UTP20: variants seen among roughly 807,000 people sequenced by gnomAD.
The protein encoded by UTP20 is UTP20 small subunit processome component, also known as small subunit processome component 20 homolog.
In UTP20, 164 loss-of-function variants were observed where a neutral mutation model predicts 329.5. That is an observed-to-expected ratio of 0.50 (90% CI 0.44 to 0.57). UTP20 has a LOEUF of 0.57. Among genes scored for constraint, UTP20 ranks in the 20% least tolerant of loss-of-function variants. UTP20 has a pLI of 0.00. For synonymous variants in UTP20, 1,151 were observed against 1,159.3 expected (o/e 0.99, Z 0.14); for missense variants, 3,055 against 3,284.2 (o/e 0.93, Z 1.71).
intron 55 of UTP20, 29 bp downstream of exon 55, chr12:101,374,968 T>C: frequency 6.4e-7 from 1 of 1,564,370 alleles, no homozygotes; most frequent in Non-Finnish European, 8.8e-7. Flanking sequence ...AATAAAACTT[T>C]TCTAACTTAT....
intron 47 of UTP20, among the ~76,000 whole-genome samples, chr12:101,367,439 C>T (rs1328539026): frequency 6.6e-6 from 1 of 152,192 alleles, no homozygotes; most frequent in Admixed American, 6.5e-5. Flanking sequence ...TCACCATACT[C>T]TTTCCTGCCC....
chr12:101,292,361 A>T, intron 10 of UTP20, among the ~76,000 whole-genome samples: 1 of 152,240 alleles, frequency 6.6e-6, no homozygotes. Flanking sequence ...ATATGTAAGC[A>T]CATATTGCAG....
In UTP20 at chr12:101,286,461, A is replaced by G. The variant is rs745413991; in HGVS notation, c.467A>G (p.Tyr156Cys). 2 of 1,613,972 alleles carry G rather than the reference A, an allele frequency of 1.2e-6. No homozygotes were observed. The highest frequency in any genetic ancestry group is 2.2e-5 in the South Asian group (2 of 91,056). The change falls in exon 5 of 62, where the codon TAT becomes TGT. Residue 156 changes from tyrosine (Y) to cysteine (C), a missense_variant. Tyr to Cys is a radical substitution (Grantham distance 194). Transcript: ENST00000261637. The stretch of plus-strand genomic sequence containing the variant: ...GCTTTCACCTCGTTATCATATCTTT[A>G]TAAGTACCTGTGGAGACTGATGGTG... ...EWAFTSLSYL[Y>C]KYLWRLMVKD...
intron 19 of UTP20, among the ~76,000 whole-genome samples, chr12:101,311,289 T>A (rs4764791): frequency 0.15 from 22,103 of 152,178 alleles, 1,875 homozygotes; most frequent in Middle Eastern, 0.26. Flanking sequence ...TTTCATGTAG[T>A]TAGTGAATGT....
At position 101,351,526 on chromosome 12, in the gene UTP20, C is replaced by CTTTT. The variant is rs753646442; in HGVS notation, c.4885-511_4885-508dup. 9.8e-4 allele frequency among the ~76,000 whole-genome samples: 116 copies of CTTTT among 117,842 alleles called. 1 individual carries two copies. Among genetic ancestry groups the CTTTT allele is most frequent in the African/African-American group, 3.7e-3 (112 of 30,662 alleles). 77.3% of individuals were successfully genotyped at this position (117,842 alleles called of 152,430 possible). On this transcript the variant is annotated intron_variant, in intron 38 of 61. Transcript: ENST00000261637. Reference sequence around the variant, plus strand: ...AAAGAGGTGTCTCTGAGGCAGTGTACTTTTTTTTTTTTTTTTTTTTTGATA... The same window carrying CTTTT: ...AAAGAGGTGTCTCTGAGGCAGTGTACTTTTTTTTTTTTTTTTTTTTTTTTTGATA...
At chr12:101,291,449 A>G in intron 8 of UTP20, 1 of 183,142 alleles carries the variant, frequency 5.5e-6, no homozygotes, top group Non-Finnish European at 1.1e-5. Context: ...GTGAGGCAGG[A>G]GAATCGCTTG....
At chr12:101,371,313 G>A in intron 51 of UTP20, 145 bp downstream of exon 51, 2 of 595,884 alleles carry the variant, frequency 3.4e-6, no homozygotes, top group East Asian at 3.2e-5. Context: ...TGGTGCAGGT[G>A]GTCAGGGGAG....
At chr12:101,313,970 C>T (rs1305796343) in intron 21 of UTP20, among the ~76,000 whole-genome samples, 1 of 151,990 alleles carries the variant, frequency 6.6e-6, no homozygotes, top group East Asian at 1.9e-4. Context: ...GTTCAAAGCT[C>T]AAGGGAAAGG....
intron 8 of UTP20, 90 bp from the exon 9 acceptor site, chr12:101,291,652 G>C (rs1441025001): frequency 6.0e-6 from 8 of 1,341,792 alleles, no homozygotes; most frequent in Middle Eastern, 2.8e-4. Flanking sequence ...AAGAGAATGG[G>C]AAAAGTTGAA....
At chr12:101,358,313 C>T (rs1169600538) in intron 43 of UTP20, among the ~76,000 whole-genome samples, 2 of 152,140 alleles carry the variant, frequency 1.3e-5, no homozygotes, top group African/African-American at 2.4e-5. Flanking sequence ...TGCCCTTCAC[C>T]CTTTGTATTA....
At chr12:101,365,381 TAAAAG>T (rs1870061849) in intron 45 of UTP20, 73 bp from the exon 46 acceptor site, 2 of 1,072,928 alleles carry the variant, frequency 1.9e-6, no homozygotes, top group Non-Finnish European at 1.3e-6. Flanking sequence ...AGCTAATATA[TAAAAG>T]AAAACTGCCA....
At chr12:101,312,309 TG>T (rs1232416929) in intron 21 of UTP20, 33 bp downstream of exon 21, 2 of 1,608,562 alleles carry the variant, frequency 1.2e-6, no homozygotes, top group Non-Finnish European at 8.5e-7. Context: ...ATGTCCCTGG[TG>T]GGGCATGAAG....
intron 14 of UTP20, among the ~76,000 whole-genome samples, chr12:101,301,980 G>T (rs913393587): frequency 6.6e-6 from 1 of 152,196 alleles, no homozygotes; most frequent in Non-Finnish European, 1.5e-5. Context: ...AGGCTGGAGG[G>T]CAGTGGCACG....
At chr12:101,375,432 T>C (rs937633493) in intron 55 of UTP20, among the ~76,000 whole-genome samples, 192 bp from the exon 56 acceptor site, 11 of 152,088 alleles carry the variant, frequency 7.2e-5, no homozygotes, top group African/African-American at 1.9e-4. Context: ...ATCTAGAGCA[T>C]AGAGGAGCAG....
chr12:101,302,347 G>C, intron 14 of UTP20, 101 bp from the exon 15 acceptor site: 1 of 691,448 alleles, frequency 1.4e-6, no homozygotes, highest in Non-Finnish European at 2.4e-6. Flanking sequence ...TTCACTTTAA[G>C]AACTTCCCAT....
intron 41 of UTP20, among the ~76,000 whole-genome samples, chr12:101,356,270 G>A (rs1869717884): frequency 6.6e-6 from 1 of 152,102 alleles, no homozygotes; most frequent in Non-Finnish European, 1.5e-5. Flanking sequence ...GGGATTACAG[G>A]CATGCACCAC....
At position 101,319,532 on chromosome 12, in the gene UTP20, T is replaced by C; in HGVS notation, c.2739-13T>C. On this transcript the variant is annotated splice_polypyrimidine_tract_variant and intron_variant, in intron 22 of 61. Coordinates refer to ENST00000261637, the MANE Select transcript of UTP20 (RefSeq NM_014503.3). ...TTTAATTCTGTAACACTCTCTGTTTTGTTTTTGTTTAGGCAATTAATTGCT... is the reference window on the plus strand; with the variant it reads ...TTTAATTCTGTAACACTCTCTGTTTCGTTTTTGTTTAGGCAATTAATTGCT... The C allele has an allele frequency of 6.3e-7, 1 of 1,584,270 alleles. No individual in the cohort carries two copies. Among genetic ancestry groups the C allele is most frequent in the Non-Finnish European group, 8.6e-7 (1 of 1,168,218 alleles).
Position 101,295,589 on chromosome 12 carries a change from C to T in UTP20, c.1361C>T (p.Ala454Val). ...CTGGCCAAGCTCATTCTGAACAAAG[C>T]AGCACCTCCCACTGCTGGCTCGATG... The part of the protein sequence containing the change: ...AILAKLILNK[A>V]APPTAGSMAI... Residue 454 changes from alanine to valine, a missense_variant, in exon 12 of 62, where the codon GCA becomes GTA. Coordinates refer to ENST00000261637, the MANE Select transcript of UTP20 (RefSeq NM_014503.3). 6.2e-7 allele frequency: 1 copy of T among 1,613,594 alleles called. No individual in the cohort carries two copies. The highest frequency in any genetic ancestry group is 8.5e-7 in the Non-Finnish European group (1 of 1,179,798).
In UTP20 at chr12:101,309,837, A is replaced by G. The variant is rs1247490575; in HGVS notation, c.2229A>G (p.Ile743Met). The G allele has an allele frequency of 3.1e-6, 5 of 1,612,880 alleles. No individual in the cohort carries two copies. The highest frequency in any genetic ancestry group is 3.4e-6 in the Non-Finnish European group (4 of 1,179,494). ...SALWDPVIEL[I>M]SSHAHEMENK... ...TCTGGGATCCTGTTATTGAACTCATAAGGTAAACATGGGTTAAATGGGATG... is the reference window on the plus strand; with the variant it reads ...TCTGGGATCCTGTTATTGAACTCATGAGGTAAACATGGGTTAAATGGGATG... The change falls in exon 19 of 62, where the codon ATA (isoleucine) becomes ATG (methionine). Residue 743 changes from isoleucine to methionine, a missense_variant and splice_region_variant. Coordinates refer to ENST00000261637, the MANE Select transcript of UTP20 (RefSeq NM_014503.3).
Sources: allele counts gnomAD v4.1 joint callset (sites outside exome capture counted in the v4.1 genomes callset), GRCh38; gene constraint gnomAD v4.1.1; transcripts MANE v1.5; gene names NCBI Gene and HGNC (gene_info 2026-07-23, HGNC 2026-07-21).